The following BOP1 variants were observed in gnomAD, a reference collection of about 807,000 sequenced individuals.
BOP1 encodes ribosome biogenesis protein BOP1.
In BOP1, 54 loss-of-function variants were observed where a neutral mutation model predicts 82.9. The ratio of observed to expected loss-of-function variants is 0.65; its 90% CI spans 0.52 to 0.82. The LOEUF (loss-of-function observed/expected upper bound fraction) is 0.82. Ranked by LOEUF, BOP1 falls within the 40% of genes least tolerant of loss-of-function variation. The pLI, the probability that BOP1 is intolerant of heterozygous loss-of-function variation, is 0.00. For missense variants in BOP1, 1,170 were observed against 1,072.0 expected (o/e 1.09, Z -1.28); for synonymous variants, 566 against 451.1 (o/e 1.25, Z -3.23).
At chr8:144,276,441 A>T (rs936765560) in intron 2 of BOP1, 137 bp from the exon 3 acceptor site, 391 of 1,011,258 alleles carry the variant, frequency 3.9e-4, no homozygotes, top group Non-Finnish European at 5.5e-4. Flanking sequence ...AAGGCCGAGA[A>T]CACCCAGCTC....
At position 144,289,165 on chromosome 8, in the gene BOP1, T is replaced by A; in HGVS notation, c.239A>T (p.Glu80Val). The A allele has an allele frequency of 6.2e-7, 1 of 1,614,166 alleles. No homozygotes were observed. The highest frequency in any genetic ancestry group is 1.7e-5 in the Admixed American group (1 of 60,024). Reference protein sequence around the residue: ...SSEDDDEGDEEGEDGALDDEG... With the variant: ...SSEDDDEGDEVGEDGALDDEG... Reference sequence around the variant, plus strand: ...GTCATCAAGGGCTCCGTCCTCTCCCTCCTCGTCGCCTTCGTCATCATCCTC... The same window carrying A: ...GTCATCAAGGGCTCCGTCCTCTCCCACCTCGTCGCCTTCGTCATCATCCTC... The change falls in exon 2 of 16, where the codon GAG becomes GTG. Residue 80 changes from glutamate to valine, a missense_variant. Transcript: ENST00000569669.
intron 2 of BOP1, among the ~76,000 whole-genome samples, chr8:144,287,096 G>A (rs1400357410): frequency 2.0e-5 from 3 of 150,052 alleles, no homozygotes; most frequent in Non-Finnish European, 4.5e-5. Context: ...TGCAACCTCC[G>A]CCTCCCAGGT....
intron 3 of BOP1, among the ~76,000 whole-genome samples, chr8:144,271,325 G>A (rs928011164): frequency 4.8e-4 from 73 of 151,724 alleles, no homozygotes; most frequent in African/African-American, 1.7e-3. Flanking sequence ...GCCTCCTCCC[G>A]TGTCTGTCTG....
chr8:144,265,567 A>C, intron 3 of BOP1: 1 of 173,420 alleles, frequency 5.8e-6, no homozygotes, highest in Non-Finnish European at 1.2e-5. Flanking sequence ...CAGAACAGCC[A>C]CGTTCCTGGA....
intron 3 of BOP1, chr8:144,267,088 C>T: frequency 1.5e-6 from 2 of 1,369,900 alleles, no homozygotes; most frequent in South Asian, 1.7e-5. Flanking sequence ...CGGCAGCCCC[C>T]CGCCGCCGCC....
intron 2 of BOP1, among the ~76,000 whole-genome samples, chr8:144,286,943 G>A (rs1403966342): frequency 2.6e-5 from 4 of 152,254 alleles, no homozygotes; most frequent in Admixed American, 2.6e-4. Context: ...AAGAGAAGAT[G>A]GCGCCTCCCT....
chr8:144,270,109 G>T (rs1309932751), intron 3 of BOP1, among the ~76,000 whole-genome samples: 1 of 152,170 alleles, frequency 6.6e-6, no homozygotes, highest in African/African-American at 2.4e-5. Context: ...TGGGATGGAA[G>T]ATAGTGAAAG....
chr8:144,266,456 C>T, intron 3 of BOP1: 1 of 969,254 alleles, frequency 1.0e-6, no homozygotes, highest in Non-Finnish European at 1.2e-6. Context: ...CCGCTCCGGC[C>T]CGGGACGCAC....
At position 144,291,248 on chromosome 8, in the gene BOP1, G is replaced by A; in HGVS notation, c.99+24C>T. On this transcript the variant is annotated intron_variant, in intron 1 of 15. Coordinates refer to ENST00000569669, the MANE Select transcript of BOP1 (RefSeq NM_015201.5). The surrounding 1 kb of genome is among the most constrained non-coding windows in gnomAD (Gnocchi z 4.1). ...GCCGGGCCCTCTAGGGACGCGCCCC[G>A]CCGCCCCGCATCGCCACAGTCACCT... The A allele has an allele frequency of 1.4e-6, 2 of 1,444,702 alleles. No homozygotes were observed. The highest frequency in any genetic ancestry group is 9.1e-7 in the Non-Finnish European group (1 of 1,100,926). 89.5% of individuals were successfully genotyped at this position (1,444,702 alleles called of 1,614,324 possible). A position where few individuals can be genotyped will look rare whatever the true frequency, so the allele number is the denominator to read the frequency against.
Position 144,291,282 on chromosome 8 carries a change from G to A in BOP1, c.89C>T (p.Pro30Leu). 1 of 1,461,740 alleles carries A rather than the reference G, an allele frequency of 6.8e-7. No individual in the cohort carries two copies. Among genetic ancestry groups the A allele is most frequent in the East Asian group, 3.1e-5 (1 of 32,028 alleles). The allele number at this position is 1,461,740 out of a possible 1,614,324, so 90.5% of individuals were successfully genotyped here. A position where few individuals can be genotyped will look rare whatever the true frequency, so the allele number is the denominator to read the frequency against. ...CATCGCCACAGTCACCTCCGGCTCG[G>A]GCTCAGGCTCCAGTTCGGGCTCAGA... is the stretch of plus-strand genomic sequence containing the variant. ...RRSEPELEPE[P>L]EPEPPLLCTS... The change falls in exon 1 of 16, where the codon CCC (proline) becomes CTC (leucine). Residue 30 changes from proline (P) to leucine (L), a missense_variant. Physicochemically the swap from Pro to Leu is moderately conservative, Grantham distance 98. Transcript: ENST00000569669. The surrounding 1 kb of genome is among the most constrained non-coding windows in gnomAD (Gnocchi z 4.1).
At chr8:144,268,723 G>C (rs908767889) in intron 3 of BOP1, among the ~76,000 whole-genome samples, 1 of 152,202 alleles carries the variant, frequency 6.6e-6, no homozygotes, top group African/African-American at 2.4e-5. Context: ...AGCCACGCCG[G>C]GAGAGAGGGT....
At position 144,267,025 on chromosome 8, in the gene BOP1, G is replaced by A. The variant is rs1218074925; in HGVS notation, c.391-1954C>T. 3.2e-5 allele frequency: 48 copies of A among 1,522,296 alleles called. 1 individual carries two copies. The Middle Eastern group carries it at 1.6e-3, about 50-fold the overall frequency. 94.3% of individuals were successfully genotyped at this position (1,522,296 alleles called of 1,614,324 possible). On this transcript the variant is annotated intron_variant, in intron 3 of 15. Transcript: ENST00000569669. Reference sequence around the variant, plus strand: ...CGTGCTGCTGGCGGGCGAGGCCTGCGGCGACGGACAGCCCTGCCACTCCGG... The same window carrying A: ...CGTGCTGCTGGCGGGCGAGGCCTGCAGCGACGGACAGCCCTGCCACTCCGG...
intron 3 of BOP1, chr8:144,266,527 C>CCCGG (rs1845369502): frequency 1.0e-6 from 1 of 991,232 alleles, no homozygotes; most frequent in East Asian, 1.1e-4. Flanking sequence ...CGCGCCTCGC[C>CCCGG]CCGGCCGGCC....
intron 2 of BOP1, among the ~76,000 whole-genome samples, chr8:144,276,506 G>A (rs1365199480): frequency 2.6e-5 from 4 of 152,170 alleles, no homozygotes; most frequent in Admixed American, 2.0e-4. Context: ...TCCTGCCCAC[G>A]GCCCTGTCCT....
intron 2 of BOP1, among the ~76,000 whole-genome samples, chr8:144,283,803 G>A (rs531431595): frequency 6.6e-6 from 1 of 152,280 alleles, no homozygotes; most frequent in South Asian, 2.1e-4. Flanking sequence ...GCGGAGGGAC[G>A]CTCCAAGCAC....
At position 144,276,320 on chromosome 8, in the gene BOP1, GA is replaced by G; in HGVS notation, c.310-17del. ...GAGTGCTGGCCTGCAGAGAGAGAGA[GA>G]AAATGGTCACTTCAGGGGATACAGG... is the stretch of plus-strand genomic sequence containing the variant. On this transcript the variant is annotated splice_polypyrimidine_tract_variant and intron_variant, in intron 2 of 15. Transcript: ENST00000569669. The G allele has an allele frequency of 6.2e-7, 1 of 1,611,486 alleles. No homozygotes were observed.
At chr8:144,276,449 C>G (rs1460773834) in intron 2 of BOP1, 145 bp from the exon 3 acceptor site, 1 of 948,274 alleles carries the variant, frequency 1.1e-6, no homozygotes, top group African/African-American at 1.6e-5. Context: ...GAACACCCAG[C>G]TCTAAGGGGG....
chr8:144,268,050 G>T (rs958633910), intron 3 of BOP1: 19 of 1,548,926 alleles, frequency 1.2e-5, no homozygotes, highest in Non-Finnish European at 1.7e-5. Context: ...CCAGAGAGGC[G>T]CAGACTGGCG....
At chr8:144,277,689 G>C (rs941947544) in intron 2 of BOP1, among the ~76,000 whole-genome samples, 3 of 151,906 alleles carry the variant, frequency 2.0e-5, no homozygotes, top group Non-Finnish European at 2.9e-5. Flanking sequence ...GGTGGCCTTC[G>C]AAGGTGCTGG....
Sources: gnomAD v4.1 joint callset for allele counts (sites outside exome capture counted in the v4.1 genomes callset) on GRCh38, gnomAD v4.1.1 for gene constraint, Gnocchi (gnomAD v3.1) non-coding constraint, MANE v1.5 for transcripts, NCBI Gene and HGNC (gene_info 2026-07-23, HGNC 2026-07-21) for gene names.